Variants in ULK4 observed in about 807,000 individuals in gnomAD.
ULK4 encodes the protein unc-51 like kinase 4.
Under a neutral mutation model 160.6 loss-of-function variants are expected in ULK4, and 133 were observed. The ratio of observed to expected loss-of-function variants is 0.83; its 90% CI spans 0.72 to 0.96. The LOEUF is 0.96. Among genes scored for constraint, ULK4 ranks in the 40% least tolerant of loss-of-function variants. ULK4 has a pLI of 0.00. For synonymous variants in ULK4, 534 were observed against 539.8 expected, an observed-to-expected ratio of 0.99 and a Z score of 0.15; for missense variants, 1,580 against 1,499.5, an observed-to-expected ratio of 1.05 and a Z score of -0.89.
intron 32 of ULK4, among the ~76,000 whole-genome samples, chr3:41,516,783 T>G (rs1333531824): frequency 6.6e-6 from 1 of 152,166 alleles, no homozygotes; most frequent in Admixed American, 6.5e-5. Flanking sequence ...CACAACAGGG[T>G]GACTATAGTC....
At chr3:41,868,987 T>C (rs1696998791) in intron 17 of ULK4, 1 of 152,170 alleles carries the variant, frequency 6.6e-6, no homozygotes, top group Non-Finnish European at 1.5e-5. Context: ...GATTAGATGG[T>C]AATTTAGTTT....
chr3:41,614,302 C>T (rs904044515), intron 31 of ULK4, among the ~76,000 whole-genome samples: 7 of 152,188 alleles, frequency 4.6e-5, no homozygotes, highest in Admixed American at 3.3e-4. Context: ...CAAATGCATT[C>T]AAATGTAGCT....
At position 41,301,169 on chromosome 3, in the gene ULK4, A is replaced by G. The variant is rs890440263; in HGVS notation, c.3679-51595T>C. On this transcript the variant is annotated intron_variant, in intron 35 of 36. Coordinates refer to ENST00000301831, the MANE Select transcript of ULK4 (RefSeq NM_017886.4). ...ATCATCCACACTGCCTGCTGCCTTC[A>G]TTAGTCAAGACTGAGAGCCCAGCGA... Among the ~76,000 whole-genome samples, 6 of 152,038 alleles carry G rather than the reference A, an allele frequency of 3.9e-5. No individual in the cohort carries two copies. The East Asian group carries it at 9.7e-4, about 24-fold the overall frequency.
intron 18 of ULK4, among the ~76,000 whole-genome samples, chr3:41,822,216 C>A (rs548431482): frequency 7.5e-6 from 1 of 132,692 alleles, no homozygotes; most frequent in African/African-American, 4.2e-5. Flanking sequence ...TCTCTCCAAC[C>A]CTGCCTCCTT....
chr3:41,661,069 T>G (rs76809458), intron 30 of ULK4, among the ~76,000 whole-genome samples: 1 of 152,168 alleles, frequency 6.6e-6, no homozygotes, highest in Non-Finnish European at 1.5e-5. Flanking sequence ...TGTGTATATG[T>G]GAGTTTTTCT....
rs762407943 is a variant in ULK4 at position 41,938,151 on chromosome 3, T to C, written c.185A>G (p.His62Arg). 1.9e-6 allele frequency: 3 copies of C among 1,613,534 alleles called. No individual in the cohort carries two copies. Among genetic ancestry groups the C allele is most frequent in the Non-Finnish European group, 2.5e-6 (3 of 1,179,732 alleles). ...EIKHKNIVTF[H>R]EWYETSNHLW... ...GTGGTTGCTTGTTTCATACCATTCA[T>C]GAAAAGTTACAATATTCTTGTGTTT... Residue 62 changes from histidine (H) to arginine (R), a missense_variant, in exon 3 of 37, where the codon CAT becomes CGT. By Grantham distance (29) the His-to-Arg change is conservative. Coordinates refer to ENST00000301831, the MANE Select transcript of ULK4 (RefSeq NM_017886.4).
At chr3:41,938,000 C>T (rs1475281983) in intron 3 of ULK4, 98 bp downstream of exon 3, 1 of 861,232 alleles carries the variant, frequency 1.2e-6, no homozygotes, top group Admixed American at 3.0e-5. Flanking sequence ...AATAGATTTT[C>T]AAGTTAACAT....
intron 21 of ULK4, among the ~76,000 whole-genome samples, chr3:41,776,055 T>C: frequency 6.6e-6 from 1 of 151,020 alleles, no homozygotes; most frequent in African/African-American, 2.5e-5. Context: ...TTAAAGATTA[T>C]AAAATTGCAC....
chr3:41,831,531 A>ATATATATATATATTTTT lies in ULK4; in HGVS notation c.1764+4332_1764+4333insAAAAATATATATATATA. Among the ~76,000 whole-genome samples the ATATATATATATATTTTT allele has an allele frequency of 7.2e-5, 10 of 138,062 alleles. No homozygotes were observed. In the East Asian group the frequency reaches 2.1e-3, roughly 29 times the overall value. 90.6% of individuals were successfully genotyped at this position (138,062 alleles called of 152,430 possible). On this transcript the variant is annotated intron_variant, in intron 18 of 36. Coordinates refer to ENST00000301831, the MANE Select transcript of ULK4 (RefSeq NM_017886.4). ...TTATTGTTATTTTATATATATATAT[A>ATATATATATATATTTTT]TTTTTTTTTCTTTCTTAAACTTTAG...
intron 30 of ULK4, among the ~76,000 whole-genome samples, chr3:41,622,835 G>C (rs1208417648): frequency 6.6e-6 from 1 of 152,104 alleles, no homozygotes; most frequent in Non-Finnish European, 1.5e-5. Flanking sequence ...TTCCGTAACA[G>C]TCCAAATAGC....
At chr3:41,440,632 T>C (rs1210737865) in intron 34 of ULK4, among the ~76,000 whole-genome samples, 2 of 152,148 alleles carry the variant, frequency 1.3e-5, no homozygotes, top group Admixed American at 6.5e-5. Flanking sequence ...TGTACCATCT[T>C]TGGTTTCTGG....
intron 13 of ULK4, among the ~76,000 whole-genome samples, chr3:41,899,636 A>G (rs1559637479): frequency 6.6e-6 from 1 of 152,222 alleles, no homozygotes; most frequent in South Asian, 2.1e-4. Context: ...TTAGTTCATC[A>G]GCTATCGTTA....
chr3:41,558,425 C>A (rs1795353), intron 32 of ULK4, among the ~76,000 whole-genome samples: 65,975 of 151,970 alleles, frequency 0.43, 15,536 homozygotes, highest in Middle Eastern at 0.55. Context: ...CAACTCTAGG[C>A]CAGGAGCAGT....
intron 20 of ULK4, among the ~76,000 whole-genome samples, chr3:41,799,640 T>C (rs1220537913): frequency 1.3e-5 from 2 of 152,132 alleles, no homozygotes; most frequent in Non-Finnish European, 2.9e-5. Flanking sequence ...GGCAGGCAGA[T>C]TGCTTGAGGC....
chr3:41,615,331 T>A (rs1357246162), intron 31 of ULK4, among the ~76,000 whole-genome samples: 1 of 152,208 alleles, frequency 6.6e-6, no homozygotes, highest in Non-Finnish European at 1.5e-5. Context: ...AAATTCATAC[T>A]GAAGTGTAGC....
chr3:41,337,091 C>A (rs749931), intron 35 of ULK4, among the ~76,000 whole-genome samples: 11,413 of 152,138 alleles, frequency 0.075, 1,045 homozygotes, highest in East Asian at 0.22. Flanking sequence ...CTCAGAGAGA[C>A]TACATGCCGC....
Position 41,565,959 on chromosome 3 carries a change from C to T in ULK4, c.3226+66G>A, listed in dbSNP as rs73830238. ...CTTTAAGTGGTACTTCTAGACTCCA[C>T]GCTATATAAGATGAAGAAATGAATA... On this transcript the variant is annotated intron_variant, in intron 32 of 36. Coordinates refer to ENST00000301831, the MANE Select transcript of ULK4 (RefSeq NM_017886.4). The T allele has an allele frequency of 0.016, 19,588 of 1,244,088 alleles. 1,427 individuals carry two copies. The African/African-American group carries it at 0.2, about 13-fold the overall frequency. The allele number at this position is 1,244,088 out of a possible 1,614,324, so 77.1% of individuals were successfully genotyped here.
intron 18 of ULK4, among the ~76,000 whole-genome samples, chr3:41,823,390 T>A (rs2041217214): frequency 1.3e-5 from 2 of 152,078 alleles, no homozygotes; most frequent in African/African-American, 2.4e-5. Flanking sequence ...CAGAAGGTAA[T>A]TACAGAGACT....
intron 17 of ULK4, among the ~76,000 whole-genome samples, chr3:41,865,314 T>G (rs186264097): frequency 6.7e-4 from 89 of 133,324 alleles, no homozygotes; most frequent in Admixed American, 2.3e-3. Flanking sequence ...AAGCCTTATC[T>G]AGATGTAGAT....
Sources: allele counts gnomAD v4.1 joint callset (sites outside exome capture counted in the v4.1 genomes callset), GRCh38; gene constraint gnomAD v4.1.1; transcripts MANE v1.5; gene names NCBI Gene and HGNC (gene_info 2026-07-23, HGNC 2026-07-21).